The following ZNF723 variants were observed in gnomAD, a reference collection of about 807,000 sequenced individuals.
ZNF723 encodes zinc finger protein 723.
In ZNF723, 5 loss-of-function variants were observed where a neutral mutation model predicts 9.4. That is an observed-to-expected ratio of 0.53 (90% CI 0.28 to 1.12). ZNF723 has a LOEUF of 1.12. Ranked by LOEUF, ZNF723 falls within the 50% of genes most tolerant of loss-of-function variation. The pLI is 0.10. For missense variants in ZNF723, 450 were observed against 501.5 expected (o/e 0.90, Z 0.98); for synonymous variants, 158 against 168.8 (o/e 0.94, Z 0.49).
At chr19:22,846,038 A>G (rs1186298460) in intron 1 of ZNF723, among the ~76,000 whole-genome samples, 1 of 151,778 alleles carries the variant, frequency 6.6e-6, no homozygotes, top group Non-Finnish European at 1.5e-5. Context: ...ACTTTTGAAA[A>G]TTTTATTGAT....
chr19:22,839,091 C>T (rs1043620850), intron 1 of ZNF723, among the ~76,000 whole-genome samples: 1 of 152,082 alleles, frequency 6.6e-6, no homozygotes, highest in African/African-American at 2.4e-5. Flanking sequence ...TGTTCACAAA[C>T]TCTTGAACTC....
chr19:22,827,970 C>T (rs992043710), upstream of ZNF723, among the ~76,000 whole-genome samples: 1 of 152,020 alleles, frequency 6.6e-6, no homozygotes, highest in Admixed American at 6.6e-5. Flanking sequence ...ATCTCAGCTA[C>T]TCAGGAGGCT....
chr19:22,854,089 GCTCT>G (rs1379298385), intron 3 of ZNF723, among the ~76,000 whole-genome samples: 2 of 151,606 alleles, frequency 1.3e-5, no homozygotes, highest in South Asian at 2.1e-4. Flanking sequence ...TAATTATATT[GCTCT>G]CTATGTGTTT....
At chr19:22,833,831 C>T (rs1001714670) in intron 1 of ZNF723, among the ~76,000 whole-genome samples, 1 of 151,176 alleles carries the variant, frequency 6.6e-6, no homozygotes, top group African/African-American at 2.4e-5. Context: ...GTCTTGAACT[C>T]CTGACCTCAG....
At chr19:22,826,172 G>A in the ZNF723 span, among the ~76,000 whole-genome samples, 1 of 152,230 alleles carries the variant, frequency 6.6e-6, no homozygotes, top group Non-Finnish European at 1.5e-5. Flanking sequence ...ACTAGGCCCA[G>A]CATTTAGGTG....
the ZNF723 span, among the ~76,000 whole-genome samples, chr19:22,821,971 G>C: frequency 7.2e-5 from 11 of 152,026 alleles, no homozygotes; most frequent in African/African-American, 2.2e-4. Flanking sequence ...TTAGCCAGTT[G>C]TGGTGGTGTG....
chr19:22,822,784 C>T, the ZNF723 span, among the ~76,000 whole-genome samples: 1 of 152,162 alleles, frequency 6.6e-6, no homozygotes. Flanking sequence ...ATTGCGTGAA[C>T]CTGGGAGGCA....
At chr19:22,839,623 G>A (rs1180332388) in intron 1 of ZNF723, among the ~76,000 whole-genome samples, 1 of 151,886 alleles carries the variant, frequency 6.6e-6, no homozygotes, top group Non-Finnish European at 1.5e-5. Flanking sequence ...ACAGGCATTT[G>A]CCACCATGCC....
At chr19:22,824,468 A>G in the ZNF723 span, among the ~76,000 whole-genome samples, 1 of 152,098 alleles carries the variant, frequency 6.6e-6, no homozygotes, top group African/African-American at 2.4e-5. Context: ...CACTGGTACA[A>G]TGATGACACC....
Position 22,858,589 on chromosome 19 carries a change from CAA to C in ZNF723, c.*157_*158del. The C allele has an allele frequency of 2.1e-6, 1 of 481,552 alleles. No homozygotes were observed. The highest frequency in any genetic ancestry group is 3.6e-6 in the Non-Finnish European group (1 of 277,960). 29.8% of individuals were successfully genotyped at this position (481,552 alleles called of 1,614,324 possible). A position where few individuals can be genotyped will look rare whatever the true frequency, so the allele number is the denominator to read the frequency against. ...TCGAGACCAACCTAACATGGTGAAA[CAA>C]CGTCTCTACTAAAATACAAAAAAAA... On this transcript the variant is annotated 3_prime_UTR_variant, in exon 4 of 4. Transcript: ENST00000600766.
At chr19:22,826,379 C>T in the ZNF723 span, among the ~76,000 whole-genome samples, 1 of 152,180 alleles carries the variant, frequency 6.6e-6, no homozygotes, top group Admixed American at 6.5e-5. Context: ...ACTTTCATAG[C>T]CAACATTAGG....
intron 1 of ZNF723, among the ~76,000 whole-genome samples, chr19:22,837,292 GA>G (rs933429507): frequency 1.4e-5 from 2 of 146,854 alleles, no homozygotes; most frequent in Admixed American, 1.4e-4. Context: ...AAAAAAAAAA[GA>G]AAGAAAGAAA....
chr19:22,817,669 A>G, the ZNF723 span, among the ~76,000 whole-genome samples: 1 of 152,170 alleles, frequency 6.6e-6, no homozygotes, highest in Non-Finnish European at 1.5e-5. Flanking sequence ...CACAGGTAGG[A>G]TTGTGACATG....
chr19:22,833,999 T>C (rs1446335920), intron 1 of ZNF723, among the ~76,000 whole-genome samples: 1 of 126,106 alleles, frequency 7.9e-6, no homozygotes, highest in East Asian at 2.8e-4. Context: ...CACCGCAACC[T>C]CCGCCTCCCA....
rs1599482621 is a variant in ZNF723 at position 22,857,737 on chromosome 19, G to C, written c.846G>C (p.Glu282Asp). Residue 282 changes from glutamate (E) to aspartate (D), a missense_variant, in exon 4 of 4, where the codon GAG (glutamate) becomes GAC (aspartate). Glu to Asp is a conservative substitution (Grantham distance 45). This residue lies in a region of ZNF723 where 237 missense variants were observed against 332.2 expected (regional missense o/e 0.71). Transcript: ENST00000600766. ...ATCATAAGAGAATTCACACTGGAGAGAAACCCTACAAATGTAAAGAATGTG... is the reference window on the plus strand; with the variant it reads ...ATCATAAGAGAATTCACACTGGAGACAAACCCTACAAATGTAAAGAATGTG... ...LNNHKRIHTG[E>D]KPYKCKECGK... 1 of 1,282,456 alleles carries C rather than the reference G, an allele frequency of 7.8e-7. No homozygotes were observed. Among genetic ancestry groups the C allele is most frequent in the East Asian group, 2.3e-5 (1 of 43,334 alleles). The allele number at this position is 1,282,456 out of a possible 1,614,324, so 79.4% of individuals were successfully genotyped here.
intron 3 of ZNF723, among the ~76,000 whole-genome samples, chr19:22,853,575 T>C (rs4932695): frequency 0.22 from 34,172 of 152,078 alleles, 4,813 homozygotes; most frequent in African/African-American, 0.4. Context: ...TTTTGTTTTA[T>C]GAAATTTGTT....
chr19:22,857,968 T>C lies in ZNF723; in HGVS notation c.1077T>C (p.His359=), dbSNP rs1432503827. The C allele has an allele frequency of 6.5e-7, 1 of 1,534,346 alleles. No homozygotes were observed. Among genetic ancestry groups the C allele is most frequent in the Non-Finnish European group, 9.0e-7 (1 of 1,108,690 alleles). The change falls in exon 4 of 4, where the codon CAT becomes CAC. Residue 359 remains histidine (H), a synonymous_variant. Transcript: ENST00000600766. ...GCCAGTCCTCACACATTACTACACA[T>C]AAGAGAATTCACACTGGAGAGAAAC... ...AFSQSSHITT[H]KRIHTGEKPY...
At chr19:22,820,954 T>G in the ZNF723 span, among the ~76,000 whole-genome samples, 1 of 152,142 alleles carries the variant, frequency 6.6e-6, no homozygotes, top group Non-Finnish European at 1.5e-5. Context: ...CACGTGGAGG[T>G]AGTCAAAAGT....
At chr19:22,851,224 C>T (rs989791304) in intron 3 of ZNF723, among the ~76,000 whole-genome samples, 4 of 151,416 alleles carry the variant, frequency 2.6e-5, no homozygotes, top group Non-Finnish European at 5.9e-5. Flanking sequence ...TAGGCTGGAG[C>T]GCGGTGGCAC....
Sources: gnomAD v4.1 joint callset for allele counts (sites outside exome capture counted in the v4.1 genomes callset) on GRCh38, gnomAD v4.1.1 for gene constraint, gnomAD v4.1.1 regional missense constraint, MANE v1.5 for transcripts, NCBI Gene and HGNC (gene_info 2026-07-23, HGNC 2026-07-21) for gene names.